TCF7L2: variants seen among roughly 807,000 people sequenced by gnomAD.
TCF7L2 encodes the protein transcription factor 7 like 2.
Under a neutral mutation model 77.9 loss-of-function variants are expected in TCF7L2, and 23 were observed. The observed-to-expected ratio is 0.30, with a 90% CI of 0.21 to 0.42. TCF7L2 has a LOEUF of 0.42. TCF7L2 is among the 10% of genes least tolerant of loss of function. The pLI, the probability that TCF7L2 is intolerant of heterozygous loss-of-function variation, is 1.00. For synonymous variants in TCF7L2, 413 were observed against 340.2 expected, an observed-to-expected ratio of 1.21 and a Z score of -2.36; for missense variants, 654 against 793.1, an observed-to-expected ratio of 0.82 and a Z score of 2.11.
intron 3 of TCF7L2, 52 bp from the exon 4 acceptor site, chr10:112,964,504 T>C: frequency 6.4e-7 from 1 of 1,553,674 alleles, no homozygotes; most frequent in South Asian, 1.1e-5. Context: ...TAAGATGTTT[T>C]CTTGTAGTTT....
At chr10:112,980,342 A>G (rs188004766) in intron 4 of TCF7L2, among the ~76,000 whole-genome samples, 76 of 152,324 alleles carry the variant, frequency 5.0e-4, no homozygotes, top group Non-Finnish European at 4.9e-4. Context: ...ATCTTGCAGT[A>G]ATGTGCAGAG....
At chr10:113,113,254 G>A (rs1417925377) in intron 5 of TCF7L2, among the ~76,000 whole-genome samples, 2 of 152,126 alleles carry the variant, frequency 1.3e-5, no homozygotes, top group Non-Finnish European at 2.9e-5. Flanking sequence ...TAATAGTCCC[G>A]ATCGCTAATA....
rs1164721181 is a variant in TCF7L2 at position 113,140,492 on chromosome 10, G to A, written c.553-692G>A. Among the ~76,000 whole-genome samples the A allele has an allele frequency of 2.0e-5, 3 of 152,092 alleles. 1 individual carries two copies. The highest frequency in any genetic ancestry group is 7.2e-5 in the African/African-American group (3 of 41,394). ...TCCAGTTAATGTATTAGCGTTCCCG[G>A]ATGACTTTCTAATGAAATTCCTAAT... On this transcript the variant is annotated intron_variant, in intron 5 of 13. Coordinates refer to ENST00000627217, the MANE Select transcript of TCF7L2 (RefSeq NM_001146274.2).
chr10:112,951,775 A>G (rs1250353185), intron 3 of TCF7L2, 168 bp downstream of exon 3: 1 of 188,126 alleles, frequency 5.3e-6, no homozygotes, highest in Non-Finnish European at 9.9e-6. Context: ...AAACTCTCCA[A>G]ACTTTTCTGC....
At chr10:112,961,479 G>A (rs2035223070) in intron 3 of TCF7L2, among the ~76,000 whole-genome samples, 1 of 152,066 alleles carries the variant, frequency 6.6e-6, no homozygotes, top group Admixed American at 6.5e-5. Flanking sequence ...AATGCCAGGA[G>A]TTTACTGGGT....
chr10:113,081,897 G>T (rs546221935), intron 5 of TCF7L2, among the ~76,000 whole-genome samples: 16 of 152,320 alleles, frequency 1.1e-4, no homozygotes, highest in Non-Finnish European at 1.9e-4. Context: ...GAGTGCAGTG[G>T]CATGATCTCG....
chr10:113,059,908 G>C (rs538196786), intron 5 of TCF7L2, among the ~76,000 whole-genome samples: 5 of 151,940 alleles, frequency 3.3e-5, no homozygotes, highest in African/African-American at 1.2e-4. Flanking sequence ...CCATTTTTGG[G>C]GTGTGTGTGT....
intron 5 of TCF7L2, among the ~76,000 whole-genome samples, chr10:113,100,318 C>G (rs769879012): frequency 1.6e-4 from 25 of 152,314 alleles, no homozygotes; most frequent in South Asian, 8.3e-4. Context: ...TGGTGGCATT[C>G]TTTCCACAAG....
intron 5 of TCF7L2, among the ~76,000 whole-genome samples, chr10:113,099,011 C>A (rs1012463866): frequency 6.6e-6 from 1 of 152,182 alleles, no homozygotes; most frequent in African/African-American, 2.4e-5. Context: ...TTTCTCCAGC[C>A]CTCTCCAGTG....
At chr10:113,038,878 C>T (rs1391144532) in intron 4 of TCF7L2, among the ~76,000 whole-genome samples, 1 of 152,118 alleles carries the variant, frequency 6.6e-6, no homozygotes, top group Non-Finnish European at 1.5e-5. Context: ...ACTCAGTGTT[C>T]ATTGAGTAAA....
rs552608068 is a variant in TCF7L2, at chr10:113,015,374, G to T, written c.451-24651G>T. ...TATTAGCTTGCCCCAGAATGGAGGC[G>T]CATGAGGCCCTGGCAGCTCCCTGCC... On this transcript the variant is annotated intron_variant, in intron 4 of 13. Coordinates refer to ENST00000627217, the MANE Select transcript of TCF7L2 (RefSeq NM_001146274.2). Among the ~76,000 whole-genome samples the T allele has an allele frequency of 2.1e-4, 32 of 151,692 alleles. No individual in the cohort carries two copies. The South Asian group carries it at 6.3e-3, about 30-fold the overall frequency.
intron 5 of TCF7L2, among the ~76,000 whole-genome samples, chr10:113,075,135 T>C (rs534631533): frequency 3.9e-5 from 6 of 152,302 alleles, no homozygotes; most frequent in Admixed American, 2.6e-4. Flanking sequence ...GGATTACAGG[T>C]ATAAGCCACA....
At chr10:113,078,784 A>G (rs983447475) in intron 5 of TCF7L2, among the ~76,000 whole-genome samples, 1 of 151,854 alleles carries the variant, frequency 6.6e-6, no homozygotes, top group African/African-American at 2.4e-5. Context: ...CGCTGGTGGT[A>G]ATCCTGGAAG....
intron 5 of TCF7L2, among the ~76,000 whole-genome samples, chr10:113,100,909 C>G (rs923407443): frequency 6.6e-5 from 10 of 152,058 alleles, no homozygotes; most frequent in Non-Finnish European, 1.5e-4. Context: ...AACCTCATTT[C>G]CACTAAAAAT....
intron 4 of TCF7L2, among the ~76,000 whole-genome samples, chr10:113,020,720 T>C (rs1243241271): frequency 6.6e-6 from 1 of 152,188 alleles, no homozygotes; most frequent in African/African-American, 2.4e-5. Context: ...ACTATTACCT[T>C]CATTTTATAG....
intron 4 of TCF7L2, among the ~76,000 whole-genome samples, chr10:112,988,647 T>C (rs1336846349): frequency 1.3e-5 from 2 of 152,220 alleles, no homozygotes; most frequent in East Asian, 1.9e-4. Flanking sequence ...GCTCAATTTT[T>C]CCAGTTATGA....
chr10:112,958,688 T>G (rs1046346517), intron 3 of TCF7L2, among the ~76,000 whole-genome samples: 1 of 152,128 alleles, frequency 6.6e-6, no homozygotes, highest in African/African-American at 2.4e-5. Flanking sequence ...TACTAAAATA[T>G]ATTAGTAAAA....
chr10:113,073,731 T>G (rs1001004268), intron 5 of TCF7L2, among the ~76,000 whole-genome samples: 1 of 150,322 alleles, frequency 6.7e-6, no homozygotes, highest in Non-Finnish European at 1.5e-5. Flanking sequence ...CATTCTTGGC[T>G]CCGCCCTGCA....
At chr10:113,083,263 C>CAT (rs2059494159) in intron 5 of TCF7L2, among the ~76,000 whole-genome samples, 1 of 124,562 alleles carries the variant, frequency 8.0e-6, no homozygotes, top group African/African-American at 2.8e-5. Flanking sequence ...CTGATAGACA[C>CAT]ACACACACAC....
Sources: gnomAD v4.1 joint callset for allele counts (sites outside exome capture counted in the v4.1 genomes callset) on GRCh38, gnomAD v4.1.1 for gene constraint, MANE v1.5 for transcripts, NCBI Gene and HGNC (gene_info 2026-07-23, HGNC 2026-07-21) for gene names.